Variants in OR51B5 observed in about 807,000 individuals in gnomAD.
OR51B5 encodes olfactory receptor family 51 subfamily B member 5.
For missense variants in OR51B5, 456 were observed against 374.6 expected (o/e 1.22, Z -1.79); for synonymous variants, 186 against 144.8 (o/e 1.28, Z -2.04).
intron 1 of OR51B5, chr11:5,440,944 A>G (rs140835625): frequency 6.2e-7 from 1 of 1,613,958 alleles, no homozygotes; most frequent in East Asian, 2.2e-5. Context: ...ATGTCTCCAC[A>G]TGCTACTTTC....
At chr11:5,463,606 T>C (rs1851091497) in intron 1 of OR51B5, among the ~76,000 whole-genome samples, 1 of 152,230 alleles carries the variant, frequency 6.6e-6, no homozygotes, top group African/African-American at 2.4e-5. Context: ...CTGGTGGTTA[T>C]GTATTTTTCC....
intron 1 of OR51B5, among the ~76,000 whole-genome samples, chr11:5,480,761 A>C (rs1195671446): frequency 6.7e-6 from 1 of 148,748 alleles, no homozygotes; most frequent in East Asian, 2.0e-4. Flanking sequence ...AATCTAGAAG[A>C]AGTGGATAAA....
intron 1 of OR51B5, among the ~76,000 whole-genome samples, chr11:5,415,273 G>T (rs1589983713): frequency 6.6e-6 from 1 of 150,562 alleles, no homozygotes; most frequent in African/African-American, 2.4e-5. Context: ...CACATTCAAA[G>T]CAGTGTGTAG....
chr11:5,476,718 T>C (rs962913046), intron 1 of OR51B5, among the ~76,000 whole-genome samples: 1 of 152,240 alleles, frequency 6.6e-6, no homozygotes, highest in African/African-American at 2.4e-5. Flanking sequence ...TCTTCTGTTC[T>C]TTGACTTACT....
At chr11:5,454,103 C>T (rs1445472247) in intron 1 of OR51B5, 10 of 1,614,168 alleles carry the variant, frequency 6.2e-6, no homozygotes, top group African/African-American at 1.3e-5. Context: ...TTCTTGTATC[C>T]ACCTTTGGCA....
intron 1 of OR51B5, among the ~76,000 whole-genome samples, chr11:5,410,746 G>A (rs949216821): frequency 1.6e-4 from 24 of 152,172 alleles, no homozygotes; most frequent in African/African-American, 4.8e-4. Flanking sequence ...AACAATGTGT[G>A]GAAGTGGAAA....
chr11:5,404,411 C>T lies in OR51B5; in HGVS notation n.85-57501G>A, dbSNP rs373531480. 2.2e-4 allele frequency among the ~76,000 whole-genome samples: 34 copies of T among 152,212 alleles called. No individual in the cohort carries two copies. In the East Asian group the frequency reaches 2.7e-3, roughly 12 times the overall value. ...TACACCAATCAGAACTCTGTAAAAA[C>T]GCACCAACTAGTGCTCTGTGTCTAG... On this transcript the variant is annotated intron_variant and non_coding_transcript_variant, in intron 1 of 4. Transcript: ENST00000415970.
chr11:5,368,471 A>G (rs1020726952), intron 1 of OR51B5, among the ~76,000 whole-genome samples: 2 of 152,184 alleles, frequency 1.3e-5, no homozygotes, highest in African/African-American at 4.8e-5. Context: ...TGCTATTATT[A>G]CTATAATCAT....
rs1308187110 is a variant in OR51B5 at position 5,370,536 on chromosome 11, TTCTG to T, written n.85-23630_85-23627del. On this transcript the variant is annotated intron_variant and non_coding_transcript_variant, in intron 1 of 4. Transcript: ENST00000415970. ...TCACTCTCTTTCTTTCATTCTTACT[TTCTG>T]TCTTTCTCCCTTTCTCACTCTTTCT... Among the ~76,000 whole-genome samples, 7 of 152,290 alleles carry T rather than the reference TTCTG, an allele frequency of 4.6e-5. No homozygotes were observed. The East Asian group carries it at 7.7e-4, about 17-fold the overall frequency.
At chr11:5,428,155 C>A (rs1850477396) in intron 1 of OR51B5, among the ~76,000 whole-genome samples, 1 of 151,748 alleles carries the variant, frequency 6.6e-6, no homozygotes, top group Non-Finnish European at 1.5e-5. Context: ...ACATGCTCAA[C>A]AAGTAAATTT....
intron 1 of OR51B5, among the ~76,000 whole-genome samples, chr11:5,388,026 C>A (rs1428385833): frequency 6.6e-6 from 1 of 151,802 alleles, no homozygotes; most frequent in Non-Finnish European, 1.5e-5. Flanking sequence ...TACTTTTGCA[C>A]CAACCTAATA....
intron 1 of OR51B5, among the ~76,000 whole-genome samples, chr11:5,464,217 C>T (rs1851098424): frequency 6.6e-6 from 1 of 152,094 alleles, no homozygotes; most frequent in African/African-American, 2.4e-5. Context: ...TTTGAAAAAG[C>T]AAATATATTG....
intron 1 of OR51B5, among the ~76,000 whole-genome samples, chr11:5,404,986 G>T (rs1235998991): frequency 6.6e-6 from 1 of 152,158 alleles, no homozygotes; most frequent in African/African-American, 2.4e-5. Context: ...GAGGGTCCTC[G>T]GCTTCATTCT....
chr11:5,418,001 G>A (rs1049155739), intron 1 of OR51B5, among the ~76,000 whole-genome samples: 1 of 120,122 alleles, frequency 8.3e-6, no homozygotes, highest in African/African-American at 2.9e-5. Context: ...AGCAAACTTG[G>A]AACCAACCCA....
chr11:5,484,106 C>T (rs1414550000), intron 1 of OR51B5, among the ~76,000 whole-genome samples: 1 of 152,156 alleles, frequency 6.6e-6, no homozygotes, highest in Non-Finnish European at 1.5e-5. Flanking sequence ...GCATGCTCCA[C>T]CTGCAAACTC....
intron 1 of OR51B5, among the ~76,000 whole-genome samples, chr11:5,466,366 G>A (rs2647593): frequency 0.66 from 100,724 of 152,044 alleles, 33,634 homozygotes; most frequent in Admixed American, 0.67. Flanking sequence ...AGAAGTACTC[G>A]CTCTTCCCAT....
chr11:5,409,427 G>A (rs1033102871), intron 1 of OR51B5, among the ~76,000 whole-genome samples: 2 of 151,870 alleles, frequency 1.3e-5, no homozygotes, highest in African/African-American at 4.8e-5. Flanking sequence ...AAGGAAAATG[G>A]GAAAAAGCTG....
At chr11:5,387,721 T>G (rs1233599554) in intron 1 of OR51B5, among the ~76,000 whole-genome samples, 1 of 73,404 alleles carries the variant, frequency 1.4e-5, no homozygotes, top group African/African-American at 4.5e-5. Context: ...TTGTTCTTCC[T>G]CCTTCCTTGA....
intron 1 of OR51B5, among the ~76,000 whole-genome samples, chr11:5,415,162 C>T (rs1178879935): frequency 6.6e-6 from 1 of 152,090 alleles, no homozygotes; most frequent in Non-Finnish European, 1.5e-5. Flanking sequence ...GAACAACCTG[C>T]TCCTGAATGA....
Sources: gnomAD v4.1 joint callset for allele counts (sites outside exome capture counted in the v4.1 genomes callset) on GRCh38, gnomAD v4.1.1 for gene constraint, MANE v1.5 for transcripts, NCBI Gene and HGNC (gene_info 2026-07-23, HGNC 2026-07-21) for gene names.